Variants in FOXP2 observed in about 807,000 individuals in gnomAD.
FOXP2 encodes the protein forkhead box protein P2.
Under a neutral mutation model 115.8 loss-of-function variants are expected in FOXP2, and 12 were observed. The observed-to-expected ratio is 0.10, with a 90% confidence interval of 0.07 to 0.17. The LOEUF (loss-of-function observed/expected upper bound fraction) is 0.17. FOXP2 is among the 10% of genes least tolerant of loss of function. The probability of loss-of-function intolerance (pLI) is 1.00; values close to 1 mark genes in which losing one functional copy is unlikely to be tolerated. For synonymous variants in FOXP2, 328 were observed against 297.7 expected (o/e 1.10, Z -1.05); for missense variants, 629 against 843.5 (o/e 0.75, Z 3.15).
At chr7:114,251,078 G>C (rs1457959987) in intron 1 of FOXP2, among the ~76,000 whole-genome samples, 2 of 152,054 alleles carry the variant, frequency 1.3e-5, no homozygotes, top group African/African-American at 4.8e-5. Context: ...TCTTGCTTTT[G>C]TCAGATTTGT....
chr7:114,117,175 G>A (rs976267459), intron 1 of FOXP2, among the ~76,000 whole-genome samples: 7 of 151,208 alleles, frequency 4.6e-5, no homozygotes, highest in Admixed American at 1.3e-4. Context: ...GAATTGTAAT[G>A]ATGAATGCTT....
At chr7:114,162,430 C>T (rs1299859015), upstream of FOXP2, among the ~76,000 whole-genome samples, 1 of 152,114 alleles carries the variant, frequency 6.6e-6, no homozygotes, top group African/African-American at 2.4e-5. Context: ...TGCTGTCTTA[C>T]AGGCCCTGTA....
At chr7:114,594,536 A>T (rs750332460) in intron 3 of FOXP2, among the ~76,000 whole-genome samples, 1 of 152,058 alleles carries the variant, frequency 6.6e-6, no homozygotes, top group Non-Finnish European at 1.5e-5. Context: ...CTGTTACAAG[A>T]TATGTACATA....
intron 1 of FOXP2, among the ~76,000 whole-genome samples, chr7:114,145,739 G>A (rs943968074): frequency 3.3e-5 from 5 of 152,042 alleles, no homozygotes; most frequent in African/African-American, 7.2e-5. Flanking sequence ...GGTAATAACT[G>A]CAGAGAACAT....
chr7:114,355,854 G>A (rs1245986696), intron 2 of FOXP2, among the ~76,000 whole-genome samples: 2 of 152,030 alleles, frequency 1.3e-5, no homozygotes, highest in Non-Finnish European at 2.9e-5. Flanking sequence ...TAGCGTCCTA[G>A]GCTCCCTACT....
At chr7:114,167,606 A>T (rs1324367711) in intron 1 of FOXP2, among the ~76,000 whole-genome samples, 1 of 152,046 alleles carries the variant, frequency 6.6e-6, no homozygotes. Flanking sequence ...TGTTCTCGTG[A>T]TGGTGGATAC....
At chr7:114,282,403 A>G (rs567212239) in intron 1 of FOXP2, among the ~76,000 whole-genome samples, 46 of 152,332 alleles carry the variant, frequency 3.0e-4, no homozygotes, top group African/African-American at 1.1e-3. Context: ...TTTGCTCCAC[A>G]TTAAATTAAG....
At chr7:114,264,016 TC>T (rs1383463570) in intron 1 of FOXP2, among the ~76,000 whole-genome samples, 1 of 152,110 alleles carries the variant, frequency 6.6e-6, no homozygotes, top group Non-Finnish European at 1.5e-5. Flanking sequence ...CTGTTTAGCT[TC>T]CTTACTCTCA....
chr7:114,409,796 C>T (rs555988784), upstream of FOXP2, among the ~76,000 whole-genome samples: 1 of 152,218 alleles, frequency 6.6e-6, no homozygotes, highest in Non-Finnish European at 1.5e-5. Flanking sequence ...TTTCCTAAAA[C>T]ATCTGTAATC....
chr7:114,507,499 A>G (rs1329854133), intron 2 of FOXP2, among the ~76,000 whole-genome samples: 3 of 152,000 alleles, frequency 2.0e-5, no homozygotes, highest in Admixed American at 6.6e-5. Context: ...TCTCAAGGAT[A>G]ATGAGATGTT....
At chr7:114,264,847 A>T (rs1328328792) in intron 1 of FOXP2, among the ~76,000 whole-genome samples, 1 of 152,022 alleles carries the variant, frequency 6.6e-6, no homozygotes, top group East Asian at 1.9e-4. Flanking sequence ...CAAGAGAGAG[A>T]GTGTGCGGGG....
rs73429334 is a variant in FOXP2, at chr7:114,524,539, T to C, written c.169-10078T>C. Among the ~76,000 whole-genome samples, 1,270 of 152,276 alleles carry C rather than the reference T, an allele frequency of 8.3e-3. 14 individuals are homozygous for C. The highest frequency in any genetic ancestry group is 0.029 in the African/African-American group (1,211 of 41,564). On this transcript the variant is annotated intron_variant, in intron 2 of 16. Coordinates refer to ENST00000350908, the MANE Select transcript of FOXP2 (RefSeq NM_014491.4). ...GCCAGATAGTTGTTCAGATCTCTTA[T>C]GCCACTCCAAGGCTCTGGTGAAAAA...
At chr7:114,393,396 A>C (rs143621567) in intron 2 of FOXP2, among the ~76,000 whole-genome samples, 3 of 152,134 alleles carry the variant, frequency 2.0e-5, no homozygotes, top group African/African-American at 7.2e-5. Flanking sequence ...AGTGACCCAG[A>C]ACAATGTGTC....
At chr7:114,343,897 C>T (rs1191772134) in intron 2 of FOXP2, among the ~76,000 whole-genome samples, 3 of 151,614 alleles carry the variant, frequency 2.0e-5, no homozygotes, top group Non-Finnish European at 4.4e-5. Flanking sequence ...ATATAATTTA[C>T]TCATTTATGA....
At chr7:114,566,216 C>T (rs916769314) in intron 3 of FOXP2, among the ~76,000 whole-genome samples, 1 of 152,102 alleles carries the variant, frequency 6.6e-6, no homozygotes, top group Non-Finnish European at 1.5e-5. Context: ...TGTTTTATAA[C>T]GTGAAGAATG....
intron 3 of FOXP2, among the ~76,000 whole-genome samples, chr7:114,549,987 A>G (rs1370505545): frequency 6.6e-6 from 1 of 151,960 alleles, no homozygotes; most frequent in Non-Finnish European, 1.5e-5. Context: ...GCAGTAAGGC[A>G]TTTTGTGTCT....
At chr7:114,187,857 C>T (rs1411790263) in intron 1 of FOXP2, among the ~76,000 whole-genome samples, 1 of 152,128 alleles carries the variant, frequency 6.6e-6, no homozygotes, top group Non-Finnish European at 1.5e-5. Flanking sequence ...CTCACAAGGG[C>T]TTTCTTGCAG....
rs901010483 is a variant in FOXP2 at position 114,370,355 on chromosome 7, C to G, written c.-10-56147C>G. ...CTCTCTGAAGCAAAAGAGTCGTGCC[C>G]CAATGGCTTTAGGGGCATCCACTTG... On this transcript the variant is annotated intron_variant, in intron 2 of 17. Transcript: ENST00000634411. Among the ~76,000 whole-genome samples, 2 of 152,178 alleles carry G rather than the reference C, an allele frequency of 1.3e-5. 1 individual carries two copies. Among genetic ancestry groups the G allele is most frequent in the South Asian group, 4.1e-4 (2 of 4,828 alleles).
At chr7:114,536,447 T>C (rs915013965) in intron 3 of FOXP2, among the ~76,000 whole-genome samples, 16 of 148,900 alleles carry the variant, frequency 1.1e-4, no homozygotes, top group Admixed American at 6.8e-5. Context: ...AAAGGCAAGA[T>C]TTGATACTTG....
Sources: allele counts gnomAD v4.1 joint callset (sites outside exome capture counted in the v4.1 genomes callset), GRCh38; gene constraint gnomAD v4.1.1; transcripts MANE v1.5; gene names NCBI Gene and HGNC (gene_info 2026-07-23, HGNC 2026-07-21).